TSPAN12: variants seen among roughly 807,000 people sequenced by gnomAD.
The protein encoded by TSPAN12 is tetraspanin 12, also known as tetraspanin-12.
TSPAN12 carries 19 observed loss-of-function variants against 39.2 expected under a neutral mutation model. That is an observed-to-expected ratio of 0.49 (90% CI 0.34 to 0.71). TSPAN12 has a LOEUF of 0.71. Ranked by LOEUF, TSPAN12 falls within the 30% of genes least tolerant of loss-of-function variation. The pLI, the probability that TSPAN12 is intolerant of heterozygous loss-of-function variation, is 0.01. For missense variants in TSPAN12, 314 were observed against 359.9 expected (o/e 0.87, Z 1.03); for synonymous variants, 119 against 124.8 (o/e 0.95, Z 0.31).
At chr7:120,795,974 C>T (rs1265216909) in intron 7 of TSPAN12, among the ~76,000 whole-genome samples, 5 of 152,146 alleles carry the variant, frequency 3.3e-5, no homozygotes, top group Admixed American at 3.3e-4. Flanking sequence ...ACGAAAGGTC[C>T]TCATATCTCA....
At chr7:120,831,818 A>T (rs572759431) in intron 4 of TSPAN12, among the ~76,000 whole-genome samples, 73 of 152,174 alleles carry the variant, frequency 4.8e-4, no homozygotes, top group African/African-American at 1.7e-3. Context: ...TAAACTTTAA[A>T]TGTTCTCACC....
intron 7 of TSPAN12, among the ~76,000 whole-genome samples, chr7:120,800,717 C>A (rs1793750042): frequency 4.0e-5 from 6 of 151,536 alleles, no homozygotes; most frequent in Admixed American, 3.3e-4. Flanking sequence ...TCCCAATAAT[C>A]CCTGCTGAAA....
intron 6 of TSPAN12, 30 bp from the exon 7 acceptor site, chr7:120,806,722 A>G: frequency 1.9e-6 from 3 of 1,612,718 alleles, no homozygotes; most frequent in Non-Finnish European, 2.5e-6. Flanking sequence ...TCAGCCTCAG[A>G]AACCACAAAA....
At chr7:120,851,871 C>T (rs1014902831) in intron 2 of TSPAN12, among the ~76,000 whole-genome samples, 2 of 152,050 alleles carry the variant, frequency 1.3e-5, no homozygotes, top group Non-Finnish European at 2.9e-5. Flanking sequence ...ACTTTTGTGC[C>T]GACCCCAGTA....
intron 4 of TSPAN12, among the ~76,000 whole-genome samples, chr7:120,832,995 G>C (rs1343722221): frequency 1.3e-5 from 2 of 152,138 alleles, no homozygotes; most frequent in Non-Finnish European, 2.9e-5. Context: ...CTGTGGTGTA[G>C]TGAAACCTGC....
chr7:120,836,014 G>C (rs1243174117), intron 4 of TSPAN12, among the ~76,000 whole-genome samples: 1 of 152,156 alleles, frequency 6.6e-6, no homozygotes, highest in Non-Finnish European at 1.5e-5. Context: ...TGAGGTGTTG[G>C]TACATACTTC....
At chr7:120,800,099 G>C (rs917339030) in intron 7 of TSPAN12, among the ~76,000 whole-genome samples, 1 of 151,640 alleles carries the variant, frequency 6.6e-6, no homozygotes, top group Non-Finnish European at 1.5e-5. Flanking sequence ...AAATAATATT[G>C]GTTATAAAAC....
At chr7:120,855,383 T>C (rs147687176) in intron 2 of TSPAN12, among the ~76,000 whole-genome samples, 10 of 152,342 alleles carry the variant, frequency 6.6e-5, no homozygotes, top group African/African-American at 2.4e-4. Context: ...GTGATGATTC[T>C]ATAATTAAAA....
intron 4 of TSPAN12, 102 bp from the exon 5 acceptor site, chr7:120,815,905 G>T: frequency 9.4e-7 from 1 of 1,058,378 alleles, no homozygotes. Context: ...AGAAAACAGA[G>T]GCAAGTTTTC....
chr7:120,845,736 C>T (rs1794658124), intron 2 of TSPAN12, among the ~76,000 whole-genome samples: 3 of 152,216 alleles, frequency 2.0e-5, no homozygotes, highest in Non-Finnish European at 4.4e-5. Context: ...GTCAATATTA[C>T]TATCAGCATT....
chr7:120,794,506 G>A (rs1456310302), intron 7 of TSPAN12, among the ~76,000 whole-genome samples: 7 of 152,086 alleles, frequency 4.6e-5, no homozygotes, highest in Admixed American at 1.3e-4. Context: ...TTCCTGCTTT[G>A]GCCATGTGAT....
Position 120,787,347 on chromosome 7 carries a change from C to T in TSPAN12, c.*1245G>A, listed in dbSNP as rs1465161679. 1 of 152,510 alleles carries T rather than the reference C, an allele frequency of 6.6e-6. No individual in the cohort carries two copies. The highest frequency in any genetic ancestry group is 2.4e-5 in the African/African-American group (1 of 41,428). The allele number at this position is 152,510 out of a possible 1,614,324, so 9.4% of individuals were successfully genotyped here. On this transcript the variant is annotated 3_prime_UTR_variant, in exon 8 of 8. Coordinates refer to ENST00000222747, the MANE Select transcript of TSPAN12 (RefSeq NM_012338.4). ...ACTCTCTAGAAAATATTTATTGACA[C>T]ATTTTAATTTTCTTTCCATATTCTG...
At chr7:120,843,119 C>G (rs746488713) in intron 2 of TSPAN12, among the ~76,000 whole-genome samples, 2 of 151,954 alleles carry the variant, frequency 1.3e-5, no homozygotes, top group African/African-American at 4.8e-5. Context: ...AGGTTAAGAA[C>G]CCTGGGACCA....
At chr7:120,845,258 G>T (rs1322109026) in intron 2 of TSPAN12, among the ~76,000 whole-genome samples, 1 of 152,152 alleles carries the variant, frequency 6.6e-6, no homozygotes, top group Non-Finnish European at 1.5e-5. Context: ...TGATGGGAGG[G>T]TCTGCTATGA....
intron 7 of TSPAN12, among the ~76,000 whole-genome samples, chr7:120,797,858 T>G (rs1314891762): frequency 6.6e-6 from 1 of 152,240 alleles, no homozygotes; most frequent in Non-Finnish European, 1.5e-5. Context: ...ATGATTTATC[T>G]GTTAGTTTCC....
chr7:120,798,806 C>T (rs547356363), intron 7 of TSPAN12, among the ~76,000 whole-genome samples: 73 of 152,138 alleles, frequency 4.8e-4, no homozygotes, highest in Non-Finnish European at 1.1e-3. Context: ...TATTTCTTGG[C>T]TGGGAATGCC....
chr7:120,793,453 C>T (rs1335851524), intron 7 of TSPAN12, among the ~76,000 whole-genome samples: 1 of 152,154 alleles, frequency 6.6e-6, no homozygotes, highest in African/African-American at 2.4e-5. Flanking sequence ...GGCAAGTATG[C>T]TTTGTTCCAA....
At chr7:120,856,875 T>A in intron 1 of TSPAN12, 42 bp from the exon 2 acceptor site, 1 of 1,190,220 alleles carries the variant, frequency 8.4e-7, no homozygotes, top group Non-Finnish European at 1.2e-6. Context: ...CATCTCACCA[T>A]CACGCTTCCC....
intron 2 of TSPAN12, among the ~76,000 whole-genome samples, chr7:120,846,155 A>G (rs539369855): frequency 4.2e-4 from 64 of 152,164 alleles, no homozygotes; most frequent in Non-Finnish European, 7.2e-4. Flanking sequence ...TCTCTTGAGA[A>G]CTCACTCTCT....
Sources: allele counts gnomAD v4.1 joint callset (sites outside exome capture counted in the v4.1 genomes callset), GRCh38; gene constraint gnomAD v4.1.1; transcripts MANE v1.5; gene names NCBI Gene and HGNC (gene_info 2026-07-23, HGNC 2026-07-21).